Variants in ISLR2 observed in about 807,000 individuals in gnomAD.
The protein encoded by ISLR2 is immunoglobulin superfamily containing leucine rich repeat 2, also known as immunoglobulin superfamily containing leucine-rich repeat protein 2.
A neutral mutation model predicts 25.5 loss-of-function variants in ISLR2; 16 were observed. That is an observed-to-expected ratio of 0.63 (90% CI 0.43 to 0.95). The LOEUF is 0.95. Among genes scored for constraint, ISLR2 ranks in the 40% least tolerant of loss-of-function variants. ISLR2 has a pLI of 0.00. For missense variants in ISLR2, 883 were observed against 1,030.7 expected (o/e 0.86, Z 1.96); for synonymous variants, 508 against 486.6 (o/e 1.04, Z -0.58).
In ISLR2 at chr15:74,133,708, T is replaced by G; in HGVS notation, c.954T>G (p.Thr318=). The part of the protein sequence containing the change: ...LLTQTQAQTP[T]PAPAWPAPPA... ...CGCAGACCCAAGCCCAAACGCCGAC[T>G]CCAGCACCCGCTTGGCCGGCGCCCC... The change falls in exon 3 of 3, where the codon ACT becomes ACG. Residue 318 remains threonine (T), a synonymous_variant. Transcript: ENST00000453268. 1 of 1,608,576 alleles carries G rather than the reference T, an allele frequency of 6.2e-7. No homozygotes were observed. Among genetic ancestry groups the G allele is most frequent in the Admixed American group, 1.7e-5 (1 of 59,052 alleles).
chr15:74,138,624 A>G (rs2072593837), downstream of ISLR2: 1 of 152,324 alleles, frequency 6.6e-6, no homozygotes, highest in African/African-American at 2.4e-5. Context: ...GTTAGCGGAG[A>G]TAACTGACAT....
chr15:74,108,107 G>A (rs191204778), intron 2 of ISLR2, among the ~76,000 whole-genome samples: 11 of 152,160 alleles, frequency 7.2e-5, no homozygotes, highest in South Asian at 2.1e-4. Flanking sequence ...AGGGAGGGGC[G>A]GGGTCAGCCC....
chr15:74,110,287 C>T (rs1287585541), intron 2 of ISLR2, among the ~76,000 whole-genome samples: 2 of 152,194 alleles, frequency 1.3e-5, no homozygotes, highest in African/African-American at 4.8e-5. Flanking sequence ...ATGGTACAGA[C>T]ACTCTAGAAA....
At chr15:74,139,776 G>A (rs111632847), downstream of ISLR2, among the ~76,000 whole-genome samples, 162 of 152,134 alleles carry the variant, frequency 1.1e-3, 2 homozygotes, top group African/African-American at 2.5e-3. Flanking sequence ...TATGCTTCAT[G>A]TGCTGTGCTA....
downstream of ISLR2, among the ~76,000 whole-genome samples, chr15:74,141,522 A>C (rs1233764638): frequency 6.6e-6 from 1 of 152,236 alleles, no homozygotes; most frequent in Non-Finnish European, 1.5e-5. Flanking sequence ...ATCTAGACTA[A>C]GAATGCTAAT....
rs1345428885 is a variant in ISLR2, at chr15:74,131,217, T to G, written c.-108T>G. On this transcript the variant is annotated 5_prime_UTR_variant, in exon 2 of 3. The change abolishes an upstream ATG in the 5' untranslated region. Coordinates refer to ENST00000453268, the MANE Select transcript of ISLR2 (RefSeq NM_020851.3). ...CCGTTTTCCCCACAGCCACAACACATGCGTGTATCTTGCTTGGGCTATCTT... is the reference window on the plus strand; with the variant it reads ...CCGTTTTCCCCACAGCCACAACACAGGCGTGTATCTTGCTTGGGCTATCTT... 6.5e-6 allele frequency: 1 copy of G among 152,912 alleles called. No homozygotes were observed. Among genetic ancestry groups the G allele is most frequent in the Non-Finnish European group, 1.5e-5 (1 of 68,128 alleles). The allele number at this position is 152,912 out of a possible 1,614,324, so 9.5% of individuals were successfully genotyped here. A position where few individuals can be genotyped will look rare whatever the true frequency, so the allele number is the denominator to read the frequency against.
At chr15:74,102,868 G>C (rs1247215431) in intron 1 of ISLR2, among the ~76,000 whole-genome samples, 1 of 150,722 alleles carries the variant, frequency 6.6e-6, no homozygotes, top group Admixed American at 6.6e-5. Flanking sequence ...GAGTGCAGTG[G>C]CATGATCTTG....
chr15:74,100,943 G>A (rs2141922694), intron 1 of ISLR2, among the ~76,000 whole-genome samples: 1 of 140,920 alleles, frequency 7.1e-6, no homozygotes, highest in East Asian at 2.1e-4. Context: ...TGGTAGCTTT[G>A]AGCTAATGGG....
upstream of ISLR2, chr15:74,126,347 A>ATTTTTTTT (rs869162947): frequency 7.5e-5 from 7 of 93,938 alleles, no homozygotes; most frequent in African/African-American, 1.8e-4. Context: ...AAGCATAGGT[A>ATTTTTTTT]TTTTTTTTTT....
chr15:74,119,306 G>A (rs995859049), intron 2 of ISLR2, among the ~76,000 whole-genome samples: 7 of 151,992 alleles, frequency 4.6e-5, no homozygotes, highest in Admixed American at 1.3e-4. Context: ...GACCTCTTGG[G>A]CCCAAGTGAT....
At position 74,133,073 on chromosome 15, in the gene ISLR2, A is replaced by G. The variant is rs2072464579; in HGVS notation, c.319A>G (p.Ser107Gly). ...GAGTCAGCTCAAGAACCTCGATCTG[A>G]GCCACAACTTCATATCCAGCTTTCC... is the stretch of plus-strand genomic sequence containing the variant. The part of the protein sequence containing the change: ...VLSQLKNLDL[S>G]HNFISSFPWS... Residue 107 changes from serine to glycine, a missense_variant, in exon 3 of 3, where the codon AGC becomes GGC. Ser to Gly is a moderately conservative substitution (Grantham distance 56, BLOSUM62 0). Coordinates refer to ENST00000453268, the MANE Select transcript of ISLR2 (RefSeq NM_020851.3). 1 of 1,612,882 alleles carries G rather than the reference A, an allele frequency of 6.2e-7. No homozygotes were observed. Among genetic ancestry groups the G allele is most frequent in the South Asian group, 1.1e-5 (1 of 91,084 alleles).
At chr15:74,128,880 T>C (rs2072343199), upstream of ISLR2, 1 of 378,662 alleles carries the variant, frequency 2.6e-6, no homozygotes, top group African/African-American at 2.2e-5. Context: ...CCCCACCTTG[T>C]TCGGCAGACA....
downstream of ISLR2, among the ~76,000 whole-genome samples, chr15:74,137,163 A>G (rs1398942382): frequency 6.6e-6 from 1 of 152,188 alleles, no homozygotes; most frequent in African/African-American, 2.4e-5. Flanking sequence ...CTGTCTGTGT[A>G]GTGGGGTGTG....
At chr15:74,128,853 C>G (rs532455906), upstream of ISLR2, 11 of 393,344 alleles carry the variant, frequency 2.8e-5, no homozygotes, top group South Asian at 1.7e-4. Flanking sequence ...GCCCAAGACG[C>G]CGCTCCCCGC....
intron 2 of ISLR2, among the ~76,000 whole-genome samples, chr15:74,115,809 A>G (rs1366501927): frequency 6.6e-6 from 1 of 152,080 alleles, no homozygotes; most frequent in Non-Finnish European, 1.5e-5. Flanking sequence ...AAGGACATTA[A>G]CATATTATAA....
chr15:74,139,191 C>T (rs1041595554), downstream of ISLR2, among the ~76,000 whole-genome samples: 1 of 152,124 alleles, frequency 6.6e-6, no homozygotes, highest in Non-Finnish European at 1.5e-5. Flanking sequence ...GGCCCAAAGG[C>T]TCCAACCACA....
downstream of ISLR2, among the ~76,000 whole-genome samples, chr15:74,139,917 G>A (rs1035736873): frequency 1.4e-5 from 2 of 147,924 alleles, no homozygotes; most frequent in African/African-American, 5.1e-5. Context: ...TGTGTGTCTT[G>A]AGAGACCTGG....
At chr15:74,125,837 AAC>A (rs1357101176), upstream of ISLR2, 2 of 152,238 alleles carry the variant, frequency 1.3e-5, no homozygotes, top group African/African-American at 4.8e-5. Flanking sequence ...CTCTGAAATC[AAC>A]AGTCTTCTCA....
At chr15:74,126,242 A>G (rs1890232267), upstream of ISLR2, 1 of 151,912 alleles carries the variant, frequency 6.6e-6, no homozygotes, top group Admixed American at 6.6e-5. Flanking sequence ...TAATTCAGCT[A>G]TTATATAAAA....
Sources: allele counts gnomAD v4.1 joint callset (sites outside exome capture counted in the v4.1 genomes callset), GRCh38; gene constraint gnomAD v4.1.1; transcripts MANE v1.5; gene names NCBI Gene and HGNC (gene_info 2026-07-23, HGNC 2026-07-21).